The following CADM2 variants were observed in gnomAD, a reference collection of about 807,000 sequenced individuals.
The protein encoded by CADM2 is immunoglobulin superfamily member 4D.
Under a neutral mutation model 49.8 loss-of-function variants are expected in CADM2, and 12 were observed. The observed-to-expected ratio is 0.24, with a 90% CI of 0.15 to 0.39. The LOEUF (loss-of-function observed/expected upper bound fraction) is 0.39. Ranked by LOEUF, CADM2 falls within the 10% of genes least tolerant of loss-of-function variation. The pLI is 1.00. For missense variants in CADM2, 378 were observed against 492.3 expected, an observed-to-expected ratio of 0.77 and a Z score of 2.20; for synonymous variants, 214 against 175.4, an observed-to-expected ratio of 1.22 and a Z score of -1.74.
chr3:85,718,508 A>T (rs1025141361), intron 1 of CADM2, among the ~76,000 whole-genome samples: 1 of 152,206 alleles, frequency 6.6e-6, no homozygotes, highest in African/African-American at 2.4e-5. Flanking sequence ...CAAAAGTCAT[A>T]ATCTTACAAG....
intron 1 of CADM2, among the ~76,000 whole-genome samples, chr3:85,227,114 T>C (rs370121516): frequency 2.0e-5 from 3 of 152,098 alleles, no homozygotes; most frequent in East Asian, 3.9e-4. Flanking sequence ...ATTTGGGGTG[T>C]AGAGTTCTGT....
chr3:85,990,565 G>T (rs7623927), intron 8 of CADM2, among the ~76,000 whole-genome samples: 3 of 152,082 alleles, frequency 2.0e-5, no homozygotes, highest in Non-Finnish European at 4.4e-5. Context: ...AGGCTGCTTT[G>T]TTAGTAGATA....
intron 1 of CADM2, among the ~76,000 whole-genome samples, chr3:85,237,038 A>G (rs891079088): frequency 6.6e-6 from 1 of 152,092 alleles, no homozygotes; most frequent in Non-Finnish European, 1.5e-5. Flanking sequence ...CCATATTTAA[A>G]TAAGGGCTTT....
chr3:85,256,577 A>C (rs1299712554), intron 1 of CADM2, among the ~76,000 whole-genome samples: 1 of 152,068 alleles, frequency 6.6e-6, no homozygotes, highest in East Asian at 1.9e-4. Context: ...CCCCCAAATA[A>C]ATTGTGAAAC....
chr3:85,578,552 G>C (rs2062708898), intron 1 of CADM2, among the ~76,000 whole-genome samples: 1 of 152,142 alleles, frequency 6.6e-6, no homozygotes, highest in Non-Finnish European at 1.5e-5. Flanking sequence ...TTTTATGCAG[G>C]TCAAGCACTT....
chr3:85,191,398 A>G (rs183447373), intron 1 of CADM2, among the ~76,000 whole-genome samples: 8 of 152,238 alleles, frequency 5.3e-5, no homozygotes, highest in Admixed American at 3.9e-4. Context: ...AACATTTACC[A>G]TATGTCAGAG....
intron 8 of CADM2, among the ~76,000 whole-genome samples, chr3:86,031,385 A>G (rs1734542602): frequency 6.6e-6 from 1 of 151,870 alleles, no homozygotes; most frequent in Admixed American, 6.6e-5. Context: ...GTGATTATCT[A>G]GGCTTTCAAT....
At chr3:85,524,285 G>A (rs1189723224) in intron 1 of CADM2, among the ~76,000 whole-genome samples, 1 of 151,502 alleles carries the variant, frequency 6.6e-6, no homozygotes, top group African/African-American at 2.4e-5. Flanking sequence ...TCTTTTTCTA[G>A]TTTCTTAATA....
chr3:85,547,678 C>T (rs1224551014), intron 1 of CADM2, among the ~76,000 whole-genome samples: 2 of 152,162 alleles, frequency 1.3e-5, no homozygotes, highest in African/African-American at 4.8e-5. Context: ...GTAGAAACAA[C>T]CAACCCTATG....
chr3:85,881,351 T>A (rs1712740466), intron 3 of CADM2, among the ~76,000 whole-genome samples: 1 of 152,172 alleles, frequency 6.6e-6, no homozygotes, highest in Non-Finnish European at 1.5e-5. Context: ...TAAAAATTTT[T>A]GTCAAAAATT....
chr3:85,162,334 T>C, intron 1 of CADM2, among the ~76,000 whole-genome samples: 1 of 152,170 alleles, frequency 6.6e-6, no homozygotes, highest in East Asian at 1.9e-4. Context: ...TTACCGGGAT[T>C]TATGTAGCGT....
intron 1 of CADM2, among the ~76,000 whole-genome samples, chr3:85,041,199 G>C (rs1011659108): frequency 1.3e-5 from 2 of 152,048 alleles, no homozygotes; most frequent in Non-Finnish European, 2.9e-5. Context: ...TGCTATATCT[G>C]ATTTCATGTG....
At chr3:85,021,273 C>T (rs563797761) in intron 1 of CADM2, among the ~76,000 whole-genome samples, 2 of 152,024 alleles carry the variant, frequency 1.3e-5, no homozygotes, top group African/African-American at 4.8e-5. Flanking sequence ...TTTTCATTTT[C>T]GACATGCATT....
intron 1 of CADM2, among the ~76,000 whole-genome samples, chr3:85,132,979 T>C (rs2039282942): frequency 6.6e-6 from 1 of 152,120 alleles, no homozygotes. Flanking sequence ...AGTTTCTTCC[T>C]TCTGGTGGGT....
intron 1 of CADM2, among the ~76,000 whole-genome samples, chr3:85,304,772 C>G (rs553476322): frequency 6.6e-5 from 10 of 151,894 alleles, no homozygotes; most frequent in African/African-American, 1.4e-4. Flanking sequence ...GCTTCTTTCA[C>G]TCCTTGGCAG....
intron 1 of CADM2, among the ~76,000 whole-genome samples, chr3:85,372,425 G>GTGAATATA: frequency 7.5e-6 from 1 of 133,762 alleles, no homozygotes; most frequent in Admixed American, 8.3e-5. Context: ...GTATATATGT[G>GTGAATATA]TGTATATATG....
At chr3:86,039,085 G>A (rs1277266387) in intron 8 of CADM2, among the ~76,000 whole-genome samples, 1 of 152,116 alleles carries the variant, frequency 6.6e-6, no homozygotes, top group Non-Finnish European at 1.5e-5. Context: ...AAACAGAGGG[G>A]GTGGAGCCAA....
chr3:85,108,323 T>C (rs1164749943), intron 1 of CADM2, among the ~76,000 whole-genome samples: 3 of 152,212 alleles, frequency 2.0e-5, no homozygotes, highest in African/African-American at 7.2e-5. Context: ...AATGGTTGCA[T>C]AGATAAAATG....
chr3:85,809,608 A>G (rs1049486932), intron 3 of CADM2, among the ~76,000 whole-genome samples: 4 of 151,742 alleles, frequency 2.6e-5, no homozygotes, highest in Non-Finnish European at 4.4e-5. Flanking sequence ...TTCTTACGAC[A>G]AGTCTAATTC....
Sources: allele counts gnomAD v4.1 joint callset (sites outside exome capture counted in the v4.1 genomes callset), GRCh38; gene constraint gnomAD v4.1.1; transcripts MANE v1.5; gene names NCBI Gene and HGNC (gene_info 2026-07-23, HGNC 2026-07-21).